The following NFATC3 variants were observed in gnomAD, a reference collection of about 807,000 sequenced individuals.
The protein encoded by NFATC3 is nuclear factor of activated T-cells, cytoplasmic 3.
Under a neutral mutation model 98.6 loss-of-function variants are expected in NFATC3, and 46 were observed. That is an observed-to-expected ratio of 0.47 (90% CI 0.37 to 0.60). The LOEUF (loss-of-function observed/expected upper bound fraction) is 0.60, where lower values mean the gene tolerates loss of function less well. NFATC3 is among the 20% of genes least tolerant of loss of function. NFATC3 has a pLI of 0.00. For synonymous variants in NFATC3, 512 were observed against 472.2 expected (o/e 1.08, Z -1.09); for missense variants, 1,256 against 1,295.5 (o/e 0.97, Z 0.47).
In NFATC3 at chr16:68,167,810, C is replaced by CCTTT. The variant is rs2039270785; in HGVS notation, c.1774+795_1774+796insCTTT. Reference sequence around the variant, plus strand: ...TTTATATCTGTTAACCGTATGTGTTCTTTTTTTTTTTTTTTTTTTTTTTTT... The same window carrying CCTTT: ...TTTATATCTGTTAACCGTATGTGTTCCTTTTTTTTTTTTTTTTTTTTTTTTTTTT... On this transcript the variant is annotated intron_variant, in intron 5 of 9. Coordinates refer to ENST00000346183, the MANE Select transcript of NFATC3 (RefSeq NM_173165.3). Among the ~76,000 whole-genome samples, 4 of 23,918 alleles carry CCTTT rather than the reference C, an allele frequency of 1.7e-4. No homozygotes were observed. In the East Asian group the frequency reaches 5.7e-3, roughly 34 times the overall value. The allele number at this position is 23,918 out of a possible 152,430, so 15.7% of individuals were successfully genotyped here.
intron 3 of NFATC3, among the ~76,000 whole-genome samples, chr16:68,148,061 G>C (rs1165615659): frequency 6.6e-6 from 1 of 151,878 alleles, no homozygotes. Context: ...TGCACTCCAG[G>C]CTGGAGTGCA....
intron 9 of NFATC3, among the ~76,000 whole-genome samples, chr16:68,192,754 C>T (rs112449378): frequency 3.9e-5 from 6 of 152,070 alleles, no homozygotes; most frequent in African/African-American, 1.4e-4. Context: ...TCCTAGCTAG[C>T]CAGGAGGCTG....
At chr16:68,183,165 T>G in intron 7 of NFATC3, 75 bp from the exon 8 acceptor site, 894 of 1,452,030 alleles carry the variant, frequency 6.2e-4, no homozygotes, top group Non-Finnish European at 7.5e-4. Flanking sequence ...TTAAGACTCA[T>G]GAGTTGTGAT....
chr16:68,112,403 G>A (rs1379482148), intron 1 of NFATC3, among the ~76,000 whole-genome samples: 3 of 145,458 alleles, frequency 2.1e-5, no homozygotes, highest in Admixed American at 7.1e-5. Context: ...TCAGCCGCCC[G>A]AGTAGCTGGG....
At position 68,214,397 on chromosome 16, in the gene NFATC3, C is replaced by A. The variant is rs536511209; in HGVS notation, c.3107-11953C>A. On this transcript the variant is annotated intron_variant, in intron 9 of 9. Coordinates refer to ENST00000346183, the MANE Select transcript of NFATC3 (RefSeq NM_173165.3). Reference sequence around the variant, plus strand: ...AGAGAAATGGCCTAACCACAGTGTGCTCTCATGTCCAGCTCCTTTCTGGAG... The same window carrying A: ...AGAGAAATGGCCTAACCACAGTGTGATCTCATGTCCAGCTCCTTTCTGGAG... 7 of 1,614,170 alleles carry A rather than the reference C, an allele frequency of 4.3e-6. No individual in the cohort carries two copies. The South Asian group carries it at 7.7e-5, about 18-fold the overall frequency.
At chr16:68,098,300 A>ATTTTTTTTT (rs200355791) in intron 1 of NFATC3, among the ~76,000 whole-genome samples, 1 of 94,338 alleles carries the variant, frequency 1.1e-5, no homozygotes, top group African/African-American at 4.5e-5. Flanking sequence ...TATTATTATT[A>ATTTTTTTTT]TTTTTTTTTT....
At chr16:68,103,143 C>T (rs2151465912) in intron 1 of NFATC3, among the ~76,000 whole-genome samples, 1 of 151,606 alleles carries the variant, frequency 6.6e-6, no homozygotes, top group South Asian at 2.1e-4. Context: ...TATTTTTTCC[C>T]ATTCTGTAGG....
Position 68,221,457 on chromosome 16 carries a change from A to G in NFATC3, c.3107-4893A>G, listed in dbSNP as rs1338134994. The G allele has an allele frequency of 1.8e-5, 24 of 1,319,562 alleles. No individual in the cohort carries two copies. The South Asian group carries it at 2.6e-4, about 15-fold the overall frequency. 81.7% of individuals were successfully genotyped at this position (1,319,562 alleles called of 1,614,324 possible). ...TTATATTCAGTGCTCACCTGTAGCA[A>G]TTACTTGAGCATGATTTTTGTTGTC... is the stretch of plus-strand genomic sequence containing the variant. On this transcript the variant is annotated intron_variant, in intron 9 of 9. Transcript: ENST00000346183.
chr16:68,163,731 G>A (rs1397817793), intron 4 of NFATC3, among the ~76,000 whole-genome samples: 3 of 151,258 alleles, frequency 2.0e-5, no homozygotes, highest in Admixed American at 6.6e-5. Flanking sequence ...ACGGGGTCGC[G>A]GCTGGGCAGA....
chr16:68,223,911 A>G (rs2041952755), intron 9 of NFATC3, among the ~76,000 whole-genome samples: 1 of 151,008 alleles, frequency 6.6e-6, no homozygotes, highest in Admixed American at 6.6e-5. Flanking sequence ...AAAAAAAAAA[A>G]AAAATCTGAC....
chr16:68,126,707 AAC>A, intron 3 of NFATC3, 97 bp downstream of exon 3: 1 of 1,194,900 alleles, frequency 8.4e-7, no homozygotes, highest in East Asian at 2.4e-5. Flanking sequence ...AAAGAGCATA[AAC>A]TCAAAACTAG....
intron 1 of NFATC3, among the ~76,000 whole-genome samples, chr16:68,102,374 GAA>G (rs71268472): frequency 8.4e-4 from 26 of 30,904 alleles, no homozygotes; most frequent in African/African-American, 2.8e-3. Flanking sequence ...TCCATCTCAG[GAA>G]AAAAAAAAAA....
At chr16:68,206,656 A>C (rs888777192) in intron 9 of NFATC3, among the ~76,000 whole-genome samples, 2 of 152,122 alleles carry the variant, frequency 1.3e-5, no homozygotes, top group Admixed American at 6.6e-5. Context: ...TTTTTTGTGT[A>C]CACCACATCT....
At position 68,191,335 on chromosome 16, in the gene NFATC3, C is replaced by T. The variant is rs2040409734; in HGVS notation, c.2666C>T (p.Thr889Ile). 8 of 1,614,056 alleles carry T rather than the reference C, an allele frequency of 5.0e-6. No homozygotes were observed. The highest frequency in any genetic ancestry group is 6.8e-6 in the Non-Finnish European group (8 of 1,180,030). ...LQSMGYHCSN[T>I]GQRSLSSPVA... ...TCAATGGGATATCATTGTTCAAATA[C>T]AGGACAAAGATCTCTTTCTTCTCCA... Residue 889 changes from threonine to isoleucine, a missense_variant, in exon 9 of 10, where the codon ACA (threonine) becomes ATA (isoleucine). By Grantham distance (89) the Thr-to-Ile change is moderately conservative (BLOSUM62 -1). This residue lies in a region of NFATC3 where 636 missense variants were observed against 617.3 expected (regional missense o/e 1.03). Coordinates refer to ENST00000346183, the MANE Select transcript of NFATC3 (RefSeq NM_173165.3).
chr16:68,173,886 A>G (rs896143670), intron 5 of NFATC3, among the ~76,000 whole-genome samples: 4 of 151,982 alleles, frequency 2.6e-5, no homozygotes, highest in African/African-American at 9.7e-5. Flanking sequence ...TGGTGGCTCA[A>G]GCCTATAATG....
At chr16:68,138,437 C>T (rs913751751) in intron 3 of NFATC3, 51 of 1,097,576 alleles carry the variant, frequency 4.6e-5, no homozygotes, top group Non-Finnish European at 5.9e-5. Context: ...TAATAATCCC[C>T]AATTCTCAGT....
At chr16:68,110,325 T>C (rs894919327) in intron 1 of NFATC3, among the ~76,000 whole-genome samples, 20 of 150,186 alleles carry the variant, frequency 1.3e-4, no homozygotes, top group East Asian at 5.9e-4. Flanking sequence ...TTTTTTTTTT[T>C]CGAGACGAAG....
chr16:68,163,431 G>A (rs1174687111), intron 4 of NFATC3, among the ~76,000 whole-genome samples: 1 of 150,252 alleles, frequency 6.7e-6, no homozygotes, highest in African/African-American at 2.5e-5. Context: ...TCACTTCCCA[G>A]TAGGGGCGGC....
chr16:68,095,347 ATTTTTTT>A (rs35343240), intron 1 of NFATC3, among the ~76,000 whole-genome samples: 5 of 103,832 alleles, frequency 4.8e-5, no homozygotes, highest in South Asian at 3.1e-4. Context: ...TGCCCAGCTA[ATTTTTTT>A]TTTTTTTTTT....
Sources: gnomAD v4.1 joint callset for allele counts (sites outside exome capture counted in the v4.1 genomes callset) on GRCh38, gnomAD v4.1.1 for gene constraint, gnomAD v4.1.1 regional missense constraint, MANE v1.5 for transcripts, NCBI Gene and HGNC (gene_info 2026-07-23, HGNC 2026-07-21) for gene names.